Variants in DUOXA1 observed in about 807,000 individuals in gnomAD.
DUOXA1 encodes the protein dual oxidase maturation factor 1.
A neutral mutation model predicts 26.6 loss-of-function variants in DUOXA1; 19 were observed. The observed-to-expected ratio is 0.71, with a 90% CI of 0.50 to 1.05. DUOXA1 has a LOEUF of 1.05. Ranked by LOEUF, DUOXA1 falls within the 50% of genes least tolerant of loss-of-function variation. The probability of loss-of-function intolerance (pLI) is 0.00; values close to 1 mark genes in which losing one functional copy is unlikely to be tolerated. For synonymous variants in DUOXA1, 166 were observed against 177.0 expected (o/e 0.94, Z 0.49); for missense variants, 403 against 427.5 (o/e 0.94, Z 0.51).
intron 3 of DUOXA1, among the ~76,000 whole-genome samples, chr15:45,126,518 T>C (rs1278213811): frequency 1.3e-5 from 2 of 152,262 alleles, no homozygotes. Context: ...GTTCCCACTT[T>C]GAACATTCTG....
At chr15:45,121,538 G>A (rs551330596) in intron 5 of DUOXA1, among the ~76,000 whole-genome samples, 97 of 152,308 alleles carry the variant, frequency 6.4e-4, no homozygotes, top group African/African-American at 2.3e-3. Context: ...TCTTTGAGAC[G>A]GAGTCTTGCT....
At chr15:45,120,408 C>A in intron 7 of DUOXA1, 88 bp from the exon 8 acceptor site, 2 of 1,523,512 alleles carry the variant, frequency 1.3e-6, no homozygotes, top group Non-Finnish European at 9.1e-7. Flanking sequence ...TTCAGGGACC[C>A]AAGAGTGACC....
At position 45,120,265 on chromosome 15, in the gene DUOXA1, C is replaced by G. The variant is rs367933259; in HGVS notation, c.610G>C (p.Val204Leu). Reference protein sequence around the residue: ...ANVMLSMPVLVYGGYMLLATG... With the variant: ...ANVMLSMPVLLYGGYMLLATG... ...GCCAATAGCATGTAGCCACCATATA[C>G]CAGCACAGGCATGGAGAGCATCACA... Residue 204 changes from valine (V) to leucine (L), a missense_variant, in exon 8 of 9, where the codon GTA becomes CTA. Val to Leu is a conservative substitution (Grantham distance 32, BLOSUM62 1). Coordinates refer to ENST00000560572, the MANE Select transcript of DUOXA1 (RefSeq NM_001276266.2). The G allele has an allele frequency of 3.7e-6, 6 of 1,614,130 alleles. No individual in the cohort carries two copies. The highest frequency in any genetic ancestry group is 5.1e-6 in the Non-Finnish European group (6 of 1,180,008).
chr15:45,119,401 C>A, intron 8 of DUOXA1, 36 bp from the exon 9 acceptor site: 2 of 1,564,664 alleles, frequency 1.3e-6, no homozygotes, highest in Admixed American at 1.8e-5. Context: ...CACCTTAGTG[C>A]TAGTAACACC....
rs1157978937 is a variant in DUOXA1 at position 45,118,833 on chromosome 15, T to A, written c.*273A>T. Reference sequence around the variant, plus strand: ...AAGAGGCAAGGCAGCACGGAAAGGCTGGGTTGCTGTGCAGATAAGCTAGCC... The same window carrying A: ...AAGAGGCAAGGCAGCACGGAAAGGCAGGGTTGCTGTGCAGATAAGCTAGCC... On this transcript the variant is annotated 3_prime_UTR_variant, in exon 9 of 9. Coordinates refer to ENST00000560572, the MANE Select transcript of DUOXA1 (RefSeq NM_001276266.2). 8.6e-7 allele frequency: 1 copy of A among 1,167,484 alleles called. No homozygotes were observed. Among genetic ancestry groups the A allele is most frequent in the Non-Finnish European group, 1.1e-6 (1 of 946,028 alleles). 72.3% of individuals were successfully genotyped at this position (1,167,484 alleles called of 1,614,324 possible).
chr15:45,120,943 C>A, intron 6 of DUOXA1, 138 bp from the exon 7 acceptor site: 2 of 1,510,736 alleles, frequency 1.3e-6, no homozygotes, highest in Non-Finnish European at 1.8e-6. Context: ...CTGAATTTCC[C>A]TTCCTACCAT....
At chr15:45,125,384 C>T (rs77927208) in intron 3 of DUOXA1, among the ~76,000 whole-genome samples, 516 of 152,208 alleles carry the variant, frequency 3.4e-3, no homozygotes, top group African/African-American at 0.012. Context: ...TTTTTCCCAC[C>T]TTAAGAACAC....
Position 45,122,221 on chromosome 15 carries a change from C to T in DUOXA1, c.169G>A (p.Val57Met), listed in dbSNP as rs777729115. Reference protein sequence around the residue: ...GKTRLFWLLRVVTSLFIGAAI... With the variant: ...GKTRLFWLLRMVTSLFIGAAI... Reference sequence around the variant, plus strand: ...GCCCCGATGAATAAGCTGGTCACCACCCGAAGCAGCCAGAACAGCCTCTGA... The same window carrying T: ...GCCCCGATGAATAAGCTGGTCACCATCCGAAGCAGCCAGAACAGCCTCTGA... The change falls in exon 5 of 9, where the codon GTG becomes ATG. Residue 57 changes from valine to methionine, a missense_variant. By Grantham distance (21) the Val-to-Met change is conservative. Transcript: ENST00000560572. 8 of 1,605,200 alleles carry T rather than the reference C, an allele frequency of 5.0e-6. No homozygotes were observed. In the East Asian group the frequency reaches 1.1e-4, roughly 22 times the overall value.
chr15:45,121,305 TC>T (rs1468655150), intron 5 of DUOXA1, 84 bp from the exon 6 acceptor site: 3 of 1,594,440 alleles, frequency 1.9e-6, no homozygotes, highest in Non-Finnish European at 2.6e-6. Context: ...ATACAAGGGG[TC>T]CATGTCTGTT....
intron 8 of DUOXA1, 138 bp from the exon 9 acceptor site, chr15:45,119,503 C>A (rs1047729857): frequency 7.3e-7 from 1 of 1,364,582 alleles, no homozygotes; most frequent in Non-Finnish European, 9.7e-7. Context: ...AGAGAGGTGA[C>A]TGGCTGAGGG....
At position 45,122,230 on chromosome 15, in the gene DUOXA1, G is replaced by A. The variant is rs774002891; in HGVS notation, c.160C>T (p.Leu54=). 6.9e-6 allele frequency: 11 copies of A among 1,604,680 alleles called. No homozygotes were observed. The highest frequency in any genetic ancestry group is 1.7e-4 in the Middle Eastern group (1 of 6,056). The part of the protein sequence containing the change: ...GIRGKTRLFW[L]LRVVTSLFIG... ...AATAAGCTGGTCACCACCCGAAGCA[G>A]CCAGAACAGCCTCTGAGTCACAAGG... Residue 54 remains leucine (L), a synonymous_variant, in exon 5 of 9, where the codon CTG becomes TTG. Transcript: ENST00000560572.
Position 45,117,900 on chromosome 15 carries a change from T to C in DUOXA1, c.*1206A>G. Reference sequence around the variant, plus strand: ...TCCCAGACTTAAAATGTATCACCACTAACCTGTGAGGGGGACCCAATCTGG... The same window carrying C: ...TCCCAGACTTAAAATGTATCACCACCAACCTGTGAGGGGGACCCAATCTGG... On this transcript the variant is annotated 3_prime_UTR_variant, in exon 9 of 9. Transcript: ENST00000560572. 6.2e-7 allele frequency: 1 copy of C among 1,613,334 alleles called. No homozygotes were observed. The highest frequency in any genetic ancestry group is 8.5e-7 in the Non-Finnish European group (1 of 1,180,024).
chr15:45,119,230 A>C lies in DUOXA1; in HGVS notation c.908T>G (p.Leu303Arg), dbSNP rs1442762133. The C allele has an allele frequency of 6.2e-7, 1 of 1,614,034 alleles. No homozygotes were observed. Among genetic ancestry groups the C allele is most frequent in the African/African-American group, 1.3e-5 (1 of 74,924 alleles). ...LEWSPEEGGL[L>R]SPRYRSMADS... is the part of the protein sequence containing the mutation. ...AGCCATGGACCGGTAGCGGGGGCTC[A>C]GGAGTCCACCTTCCTCAGGACTCCA... The change falls in exon 9 of 9, where the codon CTG becomes CGG. Residue 303 changes from leucine (L) to arginine (R), a missense_variant. Leu to Arg is a moderately radical substitution (Grantham distance 102, BLOSUM62 -2). Coordinates refer to ENST00000560572, the MANE Select transcript of DUOXA1 (RefSeq NM_001276266.2).
Position 45,117,847 on chromosome 15 carries a change from G to C in DUOXA1, c.*1259C>G. 6.2e-7 allele frequency: 1 copy of C among 1,613,690 alleles called. No homozygotes were observed. Among genetic ancestry groups the C allele is most frequent in the Non-Finnish European group, 8.5e-7 (1 of 1,180,024 alleles). ...GAGAGGGGGCTCACCTCTTATCCTC[G>C]GCGACCCACTGCACAAGCAGGCCGC... On this transcript the variant is annotated 3_prime_UTR_variant, in exon 9 of 9. Transcript: ENST00000560572.
At chr15:45,123,471 A>C (rs958530191) in intron 3 of DUOXA1, among the ~76,000 whole-genome samples, 2 of 152,250 alleles carry the variant, frequency 1.3e-5, no homozygotes, top group African/African-American at 2.4e-5. Context: ...TACAGATTAC[A>C]AAAAGATTGG....
In DUOXA1 at chr15:45,120,612, G is replaced by A. The variant is rs1182446231; in HGVS notation, c.534C>T (p.His178=). 6.2e-7 allele frequency: 1 copy of A among 1,614,028 alleles called. No individual in the cohort carries two copies. Among genetic ancestry groups the A allele is most frequent in the Non-Finnish European group, 8.5e-7 (1 of 1,180,018 alleles). The part of the protein sequence containing the change: ...GLYRQYRLAG[H]YTSAMLWVAF... ...CTCACCATAGCATGGCTGAGGTGTA[G>A]TGTCCCGCCAGGCGGTACTGGCGGT... is the stretch of plus-strand genomic sequence containing the variant. The change falls in exon 7 of 9, where the codon CAC becomes CAT. Residue 178 remains histidine (H), a synonymous_variant. Transcript: ENST00000560572.
At chr15:45,126,273 C>T (rs1054965748) in intron 3 of DUOXA1, among the ~76,000 whole-genome samples, 21 of 152,200 alleles carry the variant, frequency 1.4e-4, no homozygotes, top group Admixed American at 3.9e-4. Context: ...CTTTATAACC[C>T]GGTTCCACCT....
chr15:45,119,919 G>A (rs150541431), intron 8 of DUOXA1, among the ~76,000 whole-genome samples, 184 bp downstream of exon 8: 13 of 151,978 alleles, frequency 8.6e-5, no homozygotes, highest in Admixed American at 7.9e-4. Context: ...TCTGAGGAGG[G>A]GGGGGAAGTG....
chr15:45,121,274 A>G, intron 5 of DUOXA1, 53 bp from the exon 6 acceptor site: 1 of 1,612,910 alleles, frequency 6.2e-7, no homozygotes. Flanking sequence ...GGGCATTACT[A>G]GGTTAGAGTC....
Sources: gnomAD v4.1 joint callset for allele counts (sites outside exome capture counted in the v4.1 genomes callset) on GRCh38, gnomAD v4.1.1 for gene constraint, MANE v1.5 for transcripts, NCBI Gene and HGNC (gene_info 2026-07-23, HGNC 2026-07-21) for gene names.